The following CDH18 variants were observed in gnomAD, a reference collection of about 807,000 sequenced individuals.
CDH18 encodes cadherin-18.
A neutral mutation model predicts 67.9 loss-of-function variants in CDH18; 31 were observed. That is an observed-to-expected ratio of 0.46 (90% CI 0.34 to 0.62). The LOEUF (loss-of-function observed/expected upper bound fraction) is 0.62. Among genes scored for constraint, CDH18 ranks in the 20% least tolerant of loss-of-function variants. The pLI is 0.01. For synonymous variants in CDH18, 362 were observed against 347.2 expected (o/e 1.04, Z -0.48); for missense variants, 890 against 975.5 (o/e 0.91, Z 1.17).
At chr5:19,809,528 TA>T (rs33971166) in intron 3 of CDH18, among the ~76,000 whole-genome samples, 82,713 of 151,460 alleles carry the variant, frequency 0.55, 22,841 homozygotes, top group Middle Eastern at 0.68. Flanking sequence ...TAAAGTATAA[TA>T]AAAAAAAATT....
At chr5:20,258,839 G>A (rs941199834) in intron 1 of CDH18, among the ~76,000 whole-genome samples, 6 of 152,102 alleles carry the variant, frequency 3.9e-5, no homozygotes, top group African/African-American at 1.2e-4. Context: ...AGAGAAAGCT[G>A]GTATGAGTAA....
At chr5:20,084,948 C>G (rs1047996055) in intron 2 of CDH18, among the ~76,000 whole-genome samples, 1 of 152,154 alleles carries the variant, frequency 6.6e-6, no homozygotes, top group Non-Finnish European at 1.5e-5. Flanking sequence ...CTGACATGCC[C>G]TGGAGACATT....
chr5:20,339,065 A>C (rs1040741342), intron 1 of CDH18, among the ~76,000 whole-genome samples: 2 of 152,060 alleles, frequency 1.3e-5, no homozygotes, highest in Non-Finnish European at 2.9e-5. Context: ...ACCCAAGGAC[A>C]CTCTGAATGG....
chr5:20,165,019 C>T (rs116129962), intron 2 of CDH18, among the ~76,000 whole-genome samples: 4,906 of 152,086 alleles, frequency 0.032, 265 homozygotes, highest in African/African-American at 0.11. Flanking sequence ...GCCTTTACAT[C>T]TTTTGAACCA....
At chr5:19,825,234 C>T (rs1780282370) in intron 3 of CDH18, among the ~76,000 whole-genome samples, 1 of 152,130 alleles carries the variant, frequency 6.6e-6, no homozygotes, top group Admixed American at 6.5e-5. Context: ...ACTCAACCCA[C>T]CCTTGCCTCT....
At chr5:20,266,218 C>T (rs560353898) in intron 1 of CDH18, among the ~76,000 whole-genome samples, 1 of 151,742 alleles carries the variant, frequency 6.6e-6, no homozygotes, top group South Asian at 2.1e-4. Context: ...TGTAATAAAT[C>T]TCTATCTACC....
chr5:19,628,548 A>G (rs1751912349), intron 5 of CDH18, among the ~76,000 whole-genome samples: 1 of 152,036 alleles, frequency 6.6e-6, no homozygotes, highest in African/African-American at 2.4e-5. Context: ...CTGATGTCAT[A>G]GTCATGTGGT....
At chr5:19,968,597 A>T (rs978686919) in intron 2 of CDH18, among the ~76,000 whole-genome samples, 3 of 148,742 alleles carry the variant, frequency 2.0e-5, no homozygotes, top group Non-Finnish European at 4.4e-5. Context: ...CAGGGAAAGG[A>T]TTCCCTATTT....
chr5:20,509,302 C>A (rs186611744), intron 1 of CDH18, among the ~76,000 whole-genome samples: 8 of 152,080 alleles, frequency 5.3e-5, no homozygotes, highest in Admixed American at 5.2e-4. Flanking sequence ...TTTTTAGATA[C>A]TACATATAAG....
chr5:20,537,283 T>C (rs949607005), intron 1 of CDH18, among the ~76,000 whole-genome samples: 1 of 152,156 alleles, frequency 6.6e-6, no homozygotes, highest in Non-Finnish European at 1.5e-5. Context: ...TGCATTTATA[T>C]TGAGTTGCAA....
At chr5:19,868,128 G>A (rs1785794813) in intron 2 of CDH18, among the ~76,000 whole-genome samples, 1 of 152,120 alleles carries the variant, frequency 6.6e-6, no homozygotes, top group Admixed American at 6.6e-5. Context: ...CTTTACACCA[G>A]GGTGAGAATG....
chr5:19,518,101 T>C (rs1326096963), intron 10 of CDH18, among the ~76,000 whole-genome samples: 6 of 151,940 alleles, frequency 3.9e-5, no homozygotes, highest in Non-Finnish European at 7.4e-5. Flanking sequence ...TATTTAATAA[T>C]ATATTTATAC....
intron 1 of CDH18, among the ~76,000 whole-genome samples, chr5:20,551,391 C>T (rs1454951874): frequency 6.6e-6 from 1 of 152,148 alleles, no homozygotes; most frequent in Non-Finnish European, 1.5e-5. Context: ...TCTGAAGTGT[C>T]TTGCTTCCCA....
At chr5:20,288,068 T>C (rs996533817) in intron 1 of CDH18, among the ~76,000 whole-genome samples, 2 of 150,788 alleles carry the variant, frequency 1.3e-5, no homozygotes, top group Non-Finnish European at 1.5e-5. Flanking sequence ...GCAGATATTC[T>C]GGGGTCATTT....
rs79192704 is a variant in CDH18 at position 19,648,078 on chromosome 5, G to A, written c.644-35477C>T. On this transcript the variant is annotated intron_variant, in intron 5 of 12. Coordinates refer to ENST00000382275, the MANE Select transcript of CDH18 (RefSeq NM_004934.5). ...AAGTCTTAGATTCTACAACCATATC[G>A]AAGCATATTTCAGCCTTGGACTTTC... Among the ~76,000 whole-genome samples, 1,138 of 151,850 alleles carry A rather than the reference G, an allele frequency of 7.5e-3. 20 individuals carry two copies. The highest frequency in any genetic ancestry group is 0.026 in the African/African-American group (1,091 of 41,402).
intron 2 of CDH18, among the ~76,000 whole-genome samples, chr5:19,935,662 A>G (rs536209014): frequency 5.4e-4 from 81 of 151,230 alleles, no homozygotes; most frequent in African/African-American, 1.8e-3. Context: ...CTCAGAATGT[A>G]TCTTCTTTGT....
intron 1 of CDH18, among the ~76,000 whole-genome samples, chr5:19,987,425 C>T (rs184611496): frequency 2.6e-5 from 4 of 151,926 alleles, no homozygotes; most frequent in African/African-American, 9.7e-5. Flanking sequence ...TGTTGCTGAT[C>T]ACAGGAGCCT....
chr5:19,553,497 G>A (rs1020661579), intron 8 of CDH18, among the ~76,000 whole-genome samples: 1 of 151,810 alleles, frequency 6.6e-6, no homozygotes, highest in Non-Finnish European at 1.5e-5. Context: ...TACAAGACAT[G>A]AATGGTAAAG....
chr5:20,250,467 A>G (rs1447307560), intron 2 of CDH18, among the ~76,000 whole-genome samples: 1 of 146,806 alleles, frequency 6.8e-6, no homozygotes, highest in Non-Finnish European at 1.5e-5. Flanking sequence ...TAATTTTTGT[A>G]TTTTTAGTAG....
Sources: allele counts gnomAD v4.1 joint callset (sites outside exome capture counted in the v4.1 genomes callset), GRCh38; gene constraint gnomAD v4.1.1; transcripts MANE v1.5; gene names NCBI Gene and HGNC (gene_info 2026-07-23, HGNC 2026-07-21).